KIF6: variants seen among roughly 807,000 people sequenced by gnomAD.
The protein encoded by KIF6 is kinesin-like protein KIF6.
Under a neutral mutation model 112.7 loss-of-function variants are expected in KIF6, and 106 were observed. The observed-to-expected ratio is 0.94, with a 90% CI of 0.80 to 1.11. The LOEUF (loss-of-function observed/expected upper bound fraction) is 1.11. KIF6 is among the 50% of genes least tolerant of loss of function. KIF6 has a pLI of 0.00. For synonymous variants in KIF6, 339 were observed against 339.9 expected (o/e 1.00, Z 0.03); for missense variants, 929 against 964.0 (o/e 0.96, Z 0.48).
intron 7 of KIF6, among the ~76,000 whole-genome samples, chr6:39,587,257 A>G (rs1781688050): frequency 6.6e-6 from 1 of 152,184 alleles, no homozygotes; most frequent in Non-Finnish European, 1.5e-5. Flanking sequence ...TCAGCCACCC[A>G]CAGGATGTGT....
At chr6:39,641,598 C>A (rs1784902997) in intron 3 of KIF6, among the ~76,000 whole-genome samples, 1 of 151,492 alleles carries the variant, frequency 6.6e-6, no homozygotes, top group African/African-American at 2.4e-5. Flanking sequence ...ACAAATGTAA[C>A]TAACCTGCAC....
At chr6:39,566,050 G>A (rs1780257707) in intron 10 of KIF6, among the ~76,000 whole-genome samples, 1 of 152,140 alleles carries the variant, frequency 6.6e-6, no homozygotes, top group Non-Finnish European at 1.5e-5. Flanking sequence ...TCTCGATGTT[G>A]GACATAACAT....
At chr6:39,470,573 T>A (rs1447410377) in intron 13 of KIF6, among the ~76,000 whole-genome samples, 1 of 152,102 alleles carries the variant, frequency 6.6e-6, no homozygotes, top group Non-Finnish European at 1.5e-5. Context: ...CCTTTCATAC[T>A]CCCCGGGTGA....
At chr6:39,719,027 A>T (rs1382434353) in intron 2 of KIF6, among the ~76,000 whole-genome samples, 1 of 152,210 alleles carries the variant, frequency 6.6e-6, no homozygotes, top group African/African-American at 2.4e-5. Context: ...TAAGAATTTA[A>T]AAAGAAAAAG....
intron 3 of KIF6, among the ~76,000 whole-genome samples, chr6:39,704,731 C>A (rs1789094151): frequency 6.6e-6 from 1 of 152,160 alleles, no homozygotes; most frequent in Admixed American, 6.5e-5. Flanking sequence ...GCTCCAAAGT[C>A]CCTGCTCTTA....
intron 9 of KIF6, chr6:39,583,315 C>T (rs542422091): frequency 3.7e-5 from 17 of 453,982 alleles, no homozygotes; most frequent in African/African-American, 2.6e-4. Flanking sequence ...AAAATCCACC[C>T]TAGCAGTTCA....
intron 15 of KIF6, among the ~76,000 whole-genome samples, chr6:39,404,141 C>T (rs1768914980): frequency 6.6e-6 from 1 of 152,002 alleles, no homozygotes; most frequent in African/African-American, 2.4e-5. Flanking sequence ...ATTCTCTTAA[C>T]AGTGAATTTC....
intron 3 of KIF6, among the ~76,000 whole-genome samples, chr6:39,687,152 T>A (rs936141531): frequency 6.6e-6 from 1 of 152,146 alleles, no homozygotes; most frequent in African/African-American, 2.4e-5. Context: ...TGTGACCGGT[T>A]ACACCACAGA....
chr6:39,521,611 A>C (rs1055225986), intron 13 of KIF6, among the ~76,000 whole-genome samples: 1 of 152,100 alleles, frequency 6.6e-6, no homozygotes, highest in Admixed American at 6.6e-5. Flanking sequence ...AATCTACTGG[A>C]GAAAGATAAT....
chr6:39,637,232 C>T (rs893954283), intron 4 of KIF6, among the ~76,000 whole-genome samples: 2 of 152,030 alleles, frequency 1.3e-5, no homozygotes, highest in Admixed American at 6.6e-5. Flanking sequence ...AGCAGGTCCA[C>T]TGCCCTGAGG....
intron 2 of KIF6, among the ~76,000 whole-genome samples, chr6:39,718,951 GAAA>G (rs1372281601): frequency 1.3e-5 from 2 of 152,096 alleles, no homozygotes; most frequent in Non-Finnish European, 2.9e-5. Flanking sequence ...TATTATATAT[GAAA>G]GACAAAAGGT....
intron 3 of KIF6, among the ~76,000 whole-genome samples, chr6:39,670,831 G>A (rs1786773088): frequency 6.6e-6 from 1 of 152,042 alleles, no homozygotes. Flanking sequence ...AATAAGGGTA[G>A]GCTTTGAGCA....
At chr6:39,508,407 C>T (rs149639251) in intron 13 of KIF6, among the ~76,000 whole-genome samples, 2,872 of 152,194 alleles carry the variant, frequency 0.019, 30 homozygotes, top group South Asian at 0.031. Context: ...CAGGGCAGGG[C>T]GTCGCCTCAC....
chr6:39,486,377 C>G (rs933446899), intron 13 of KIF6, among the ~76,000 whole-genome samples: 2 of 152,128 alleles, frequency 1.3e-5, no homozygotes, highest in African/African-American at 2.4e-5. Flanking sequence ...CTAGAGCACC[C>G]GTCATGTGGA....
chr6:39,424,609 C>T (rs1174647705), intron 14 of KIF6, among the ~76,000 whole-genome samples: 2 of 152,226 alleles, frequency 1.3e-5, no homozygotes, highest in Non-Finnish European at 2.9e-5. Context: ...CCTACCTCAC[C>T]TCTTAGCGAC....
chr6:39,705,064 G>T (rs1199704858), intron 3 of KIF6, among the ~76,000 whole-genome samples: 2 of 152,220 alleles, frequency 1.3e-5, no homozygotes, highest in African/African-American at 2.4e-5. Flanking sequence ...GTCGTTTAGA[G>T]CACATCTTGG....
At chr6:39,538,813 A>G (rs1218140488) in intron 13 of KIF6, among the ~76,000 whole-genome samples, 1 of 148,756 alleles carries the variant, frequency 6.7e-6, no homozygotes, top group African/African-American at 2.5e-5. Flanking sequence ...ACTTGGAACC[A>G]ACCCAAATGT....
At chr6:39,620,945 T>G (rs1373986695) in intron 5 of KIF6, among the ~76,000 whole-genome samples, 6 of 151,902 alleles carry the variant, frequency 3.9e-5, no homozygotes, top group Non-Finnish European at 8.8e-5. Flanking sequence ...ATTTTTATAT[T>G]TTTAGTAGAG....
At position 39,494,158 on chromosome 6, in the gene KIF6, T is replaced by C. The variant is rs557652170; in HGVS notation, c.1645+45845A>G. On this transcript the variant is annotated intron_variant, in intron 13 of 22. Coordinates refer to ENST00000287152, the MANE Select transcript of KIF6 (RefSeq NM_145027.6). ...TAATGTTTATTACTGACTTGATATA[T>C]AGCTTGGAAAGTAAGGTTTATATCT... 3.9e-5 allele frequency among the ~76,000 whole-genome samples: 6 copies of C among 152,354 alleles called. No homozygotes were observed. In the East Asian group the frequency reaches 9.6e-4, roughly 24 times the overall value.
Sources: allele counts gnomAD v4.1 joint callset (sites outside exome capture counted in the v4.1 genomes callset), GRCh38; gene constraint gnomAD v4.1.1; transcripts MANE v1.5; gene names NCBI Gene and HGNC (gene_info 2026-07-23, HGNC 2026-07-21).